Variants in SLC8A2 observed in about 807,000 individuals in gnomAD.
The protein encoded by SLC8A2 is sodium/calcium exchanger 2.
Under a neutral mutation model 70.2 loss-of-function variants are expected in SLC8A2, and 14 were observed. That is an observed-to-expected ratio of 0.20 (90% CI 0.13 to 0.31). The LOEUF is 0.31. Among genes scored for constraint, SLC8A2 ranks in the 10% least tolerant of loss-of-function variants. The pLI, the probability that SLC8A2 is intolerant of heterozygous loss-of-function variation, is 1.00. For synonymous variants in SLC8A2, 575 were observed against 594.3 expected (o/e 0.97, Z 0.47); for missense variants, 779 against 1,320.1 (o/e 0.59, Z 6.35).
chr19:47,442,834 C>T (rs1343338745), intron 4 of SLC8A2, among the ~76,000 whole-genome samples: 1 of 152,146 alleles, frequency 6.6e-6, no homozygotes, highest in African/African-American at 2.4e-5. Context: ...CAGGTATACA[C>T]TACCATGCTC....
At chr19:47,463,541 G>A (rs958892024) in intron 2 of SLC8A2, among the ~76,000 whole-genome samples, 6 of 150,230 alleles carry the variant, frequency 4.0e-5, no homozygotes, top group African/African-American at 7.3e-5. Flanking sequence ...AGACCAGCCT[G>A]GCCAACATGA....
chr19:47,432,173 T>G lies in SLC8A2; in HGVS notation c.2383A>C (p.Ile795Leu), dbSNP rs532574961. Residue 795 changes from isoleucine to leucine, a missense_variant, in exon 9 of 10, where the codon ATC becomes CTC. Coordinates refer to ENST00000236877, the MANE Select transcript of SLC8A2 (RefSeq NM_015063.3). This position sits in a 1 kb window ranked among gnomAD's most constrained non-coding sequence, Gnocchi z 6.2. Reference sequence around the variant, plus strand: ...AAGTCTCCCAGGGTGTTACCAGGGATGGAGGTGCCCAGGGCAACGAAGACA... The same window carrying G: ...AAGTCTCCCAGGGTGTTACCAGGGAGGGAGGTGCCCAGGGCAACGAAGACA... ...AVVFVALGTS[I>L]PDTFASKVAA... 6.2e-7 allele frequency: 1 copy of G among 1,608,254 alleles called. No individual in the cohort carries two copies. The highest frequency in any genetic ancestry group is 8.5e-7 in the Non-Finnish European group (1 of 1,176,256).
At position 47,468,131 on chromosome 19, in the gene SLC8A2, C is replaced by G. The variant is rs1967487443; in HGVS notation, c.-16-1712G>C. Reference sequence around the variant, plus strand: ...CGTCCTCTCCAGGGCCCGTGAGGTCCTGCCCAACCTGGCCCCGACTCCCTC... The same window carrying G: ...CGTCCTCTCCAGGGCCCGTGAGGTCGTGCCCAACCTGGCCCCGACTCCCTC... On this transcript the variant is annotated intron_variant, in intron 1 of 9. Transcript: ENST00000236877. This position sits in a 1 kb window ranked among gnomAD's most constrained non-coding sequence, Gnocchi z 5.1. Among the ~76,000 whole-genome samples the G allele has an allele frequency of 6.6e-6, 1 of 151,996 alleles. No homozygotes were observed. Among genetic ancestry groups the G allele is most frequent in the African/African-American group, 2.4e-5 (1 of 41,380 alleles).
chr19:47,437,315 A>T lies in SLC8A2; in HGVS notation c.2110+147T>A, dbSNP rs1188794278. The T allele has an allele frequency of 3.3e-5, 21 of 634,842 alleles. No homozygotes were observed. In the East Asian group the frequency reaches 5.6e-4, roughly 17 times the overall value. 39.3% of individuals were successfully genotyped at this position (634,842 alleles called of 1,614,324 possible). On this transcript the variant is annotated intron_variant, in intron 8 of 9. Coordinates refer to ENST00000236877, the MANE Select transcript of SLC8A2 (RefSeq NM_015063.3). ...TGGCCTCAAGCAATCCTCCCGCCTC[A>T]CCCTCCCAAAGCGCCAGGATTCCAG...
intron 2 of SLC8A2, among the ~76,000 whole-genome samples, chr19:47,458,721 T>G (rs1967349456): frequency 6.6e-6 from 1 of 151,266 alleles, no homozygotes; most frequent in Non-Finnish European, 1.5e-5. Flanking sequence ...TGTTATATCC[T>G]GGTAGATCTC....
At chr19:47,441,500 C>T (rs1372743644) in intron 4 of SLC8A2, 60 bp from the exon 5 acceptor site, 2 of 983,102 alleles carry the variant, frequency 2.0e-6, no homozygotes, top group Non-Finnish European at 3.2e-6. Flanking sequence ...CCCAGACTCA[C>T]CAGGCAACCC....
chr19:47,463,278 G>A (rs987706743), intron 2 of SLC8A2, among the ~76,000 whole-genome samples: 2 of 145,232 alleles, frequency 1.4e-5, no homozygotes, highest in Non-Finnish European at 3.0e-5. Flanking sequence ...GACTACAGGC[G>A]CCCGCCACCA....
At position 47,432,146 on chromosome 19, in the gene SLC8A2, C is replaced by T. The variant is rs767573113; in HGVS notation, c.2389+21G>A. On this transcript the variant is annotated intron_variant, in intron 9 of 9. Coordinates refer to ENST00000236877, the MANE Select transcript of SLC8A2 (RefSeq NM_015063.3). This position sits in a 1 kb window ranked among gnomAD's most constrained non-coding sequence, Gnocchi z 6.2. The stretch of plus-strand genomic sequence containing the variant: ...TGGCTCATCTGAGATCCTACCCCAC[C>T]AAAGTCTCCCAGGGTGTTACCAGGG... 7 of 1,578,932 alleles carry T rather than the reference C, an allele frequency of 4.4e-6. No individual in the cohort carries two copies. The African/African-American group carries it at 8.1e-5, about 18-fold the overall frequency.
rs1967449824 is a variant in SLC8A2, at chr19:47,465,774, G to A, written c.630C>T (p.Val210=). 1 of 1,613,836 alleles carries A rather than the reference G, an allele frequency of 6.2e-7. No individual in the cohort carries two copies. ...VTASWSIFAY[V]WLYLILAVFS... ...AAACAGCAAGGATGAGATAAAGCCA[G>A]ACATAGGCGAAGATGCTCCAAGAGG... The change falls in exon 2 of 10, where the codon GTC becomes GTT. Residue 210 remains valine (V), a synonymous_variant. Transcript: ENST00000236877. The surrounding 1 kb of genome is among the most constrained non-coding windows in gnomAD (Gnocchi z 5.5).
intron 4 of SLC8A2, among the ~76,000 whole-genome samples, chr19:47,446,421 T>G (rs762381350): frequency 6.6e-6 from 1 of 152,148 alleles, no homozygotes. Flanking sequence ...ATTTTATGTG[T>G]GTCTGCGTGT....
rs913558198 is a variant in SLC8A2, at chr19:47,430,787, C to A, written c.2390-322G>T. On this transcript the variant is annotated intron_variant, in intron 9 of 9. Transcript: ENST00000236877. This position sits in a 1 kb window ranked among gnomAD's most constrained non-coding sequence, Gnocchi z 5.9. ...TGTCACCCAGGCTGGAGTGCAGTGG[C>A]GTGATCTCAGCTCACTGCAACTTCC... Among the ~76,000 whole-genome samples the A allele has an allele frequency of 6.6e-6, 1 of 151,268 alleles. No homozygotes were observed. Among genetic ancestry groups the A allele is most frequent in the Non-Finnish European group, 1.5e-5 (1 of 67,744 alleles).
intron 8 of SLC8A2, among the ~76,000 whole-genome samples, chr19:47,436,265 T>C (rs992642419): frequency 1.3e-5 from 2 of 152,176 alleles, no homozygotes; most frequent in African/African-American, 4.8e-5. Flanking sequence ...CATCAGGGCT[T>C]TCCTCCGGGT....
intron 2 of SLC8A2, among the ~76,000 whole-genome samples, chr19:47,464,270 C>G (rs1357224985): frequency 1.3e-5 from 2 of 151,958 alleles, no homozygotes; most frequent in Non-Finnish European, 2.9e-5. Flanking sequence ...TACCACCATG[C>G]CAGGCTAGTT....
rs775248998 is a variant in SLC8A2 at position 47,430,494 on chromosome 19, G to A, written c.2390-29C>T. On this transcript the variant is annotated intron_variant, in intron 9 of 9. Coordinates refer to ENST00000236877, the MANE Select transcript of SLC8A2 (RefSeq NM_015063.3). This position sits in a 1 kb window ranked among gnomAD's most constrained non-coding sequence, Gnocchi z 5.9. ...CGAGGCAGAGACATACAGGTCGGAG[G>A]GGCTTTGCGCCGCCACCCACAGGGG... 2.6e-6 allele frequency: 4 copies of A among 1,555,738 alleles called. No homozygotes were observed. The highest frequency in any genetic ancestry group is 3.5e-6 in the Non-Finnish European group (4 of 1,153,716).
intron 6 of SLC8A2, among the ~76,000 whole-genome samples, chr19:47,439,024 T>C (rs917920482): frequency 2.0e-5 from 3 of 152,168 alleles, no homozygotes; most frequent in African/African-American, 4.8e-5. Context: ...GCCTGAGTTA[T>C]GGACACTAGA....
intron 3 of SLC8A2, among the ~76,000 whole-genome samples, chr19:47,455,626 G>C (rs992768668): frequency 6.6e-6 from 1 of 152,208 alleles, no homozygotes; most frequent in African/African-American, 2.4e-5. Flanking sequence ...CATGATGTAG[G>C]CTGGTGAAAA....
Position 47,448,372 on chromosome 19 carries a change from T to A in SLC8A2, c.1341-141A>T. On this transcript the variant is annotated intron_variant, in intron 3 of 9. Coordinates refer to ENST00000236877, the MANE Select transcript of SLC8A2 (RefSeq NM_015063.3). The surrounding 1 kb of genome is among the most constrained non-coding windows in gnomAD (Gnocchi z 4.8). ...CCCAAGTATGAGGGTCGACAGGCAT[T>A]AAACAAGTAATACTGAGGGTGAATC... 1 of 640,998 alleles carries A rather than the reference T, an allele frequency of 1.6e-6. No homozygotes were observed. Among genetic ancestry groups the A allele is most frequent in the Non-Finnish European group, 2.7e-6 (1 of 374,622 alleles). 39.7% of individuals were successfully genotyped at this position (640,998 alleles called of 1,614,324 possible).
chr19:47,469,531 G>A (rs544317193), intron 1 of SLC8A2, among the ~76,000 whole-genome samples: 1 of 152,308 alleles, frequency 6.6e-6, no homozygotes. Flanking sequence ...TCCTAGCCCA[G>A]GGGCTGGGTC....
At position 47,447,571 on chromosome 19, in the gene SLC8A2, A is replaced by T; in HGVS notation, c.1763+238T>A. The T allele has an allele frequency of 2.0e-6, 1 of 491,636 alleles. No individual in the cohort carries two copies. Among genetic ancestry groups the T allele is most frequent in the Non-Finnish European group, 3.6e-6 (1 of 281,090 alleles). The allele number at this position is 491,636 out of a possible 1,614,324, so 30.5% of individuals were successfully genotyped here. ...GCCCACTTTGGAGAACGATTCACTCAGGCCCCTCTCCTCCTGAGGGCCCAG... is the reference window on the plus strand; with the variant it reads ...GCCCACTTTGGAGAACGATTCACTCTGGCCCCTCTCCTCCTGAGGGCCCAG... On this transcript the variant is annotated intron_variant, in intron 4 of 9. Coordinates refer to ENST00000236877, the MANE Select transcript of SLC8A2 (RefSeq NM_015063.3). The surrounding 1 kb of genome is among the most constrained non-coding windows in gnomAD (Gnocchi z 5.1).
Sources: allele counts gnomAD v4.1 joint callset (sites outside exome capture counted in the v4.1 genomes callset), GRCh38; gene constraint gnomAD v4.1.1; non-coding constraint Gnocchi (gnomAD v3.1); transcripts MANE v1.5; gene names NCBI Gene and HGNC (gene_info 2026-07-23, HGNC 2026-07-21).